FCER1A: variants seen among roughly 807,000 people sequenced by gnomAD.
The protein encoded by FCER1A is Fc epsilon receptor Ia, also known as high affinity immunoglobulin epsilon receptor subunit alpha.
In FCER1A, 24 loss-of-function variants were observed where a neutral mutation model predicts 23.6. The observed-to-expected ratio is 1.02, with a 90% CI of 0.74 to 1.43. The LOEUF (loss-of-function observed/expected upper bound fraction) is 1.43, where lower values mean the gene tolerates loss of function less well. FCER1A is among the 40% of genes most tolerant of loss of function. The probability of loss-of-function intolerance (pLI) is 0.00; values close to 1 mark genes in which losing one functional copy is unlikely to be tolerated. For missense variants in FCER1A, 318 were observed against 294.5 expected, an observed-to-expected ratio of 1.08 and a Z score of -0.58; for synonymous variants, 121 against 108.8, an observed-to-expected ratio of 1.11 and a Z score of -0.70.
upstream of FCER1A, among the ~76,000 whole-genome samples, chr1:159,301,714 A>G (rs996097677): frequency 4.0e-4 from 61 of 152,218 alleles, no homozygotes; most frequent in Admixed American, 1.9e-3. Context: ...GGTGAATCCC[A>G]AAAGAATTTG....
At position 159,304,161 on chromosome 1, in the gene FCER1A, G is replaced by A; in HGVS notation, c.310G>A (p.Val104Met). 4 of 1,614,012 alleles carry A rather than the reference G, an allele frequency of 2.5e-6. No individual in the cohort carries two copies. The highest frequency in any genetic ancestry group is 3.4e-6 in the Non-Finnish European group (4 of 1,179,878). Residue 104 changes from valine to methionine, a missense_variant, in exon 3 of 5, where the codon GTG becomes ATG. Coordinates refer to ENST00000693622, the MANE Select transcript of FCER1A (RefSeq NM_001387280.1). Reference sequence around the variant, plus strand: ...CCAACAAGTTAATGAGAGTGAACCTGTGTACCTGGAAGTCTTCAGTGGTAA... The same window carrying A: ...CCAACAAGTTAATGAGAGTGAACCTATGTACCTGGAAGTCTTCAGTGGTAA... Reference protein sequence around the residue: ...QHQQVNESEPVYLEVFSDWLL... With the variant: ...QHQQVNESEPMYLEVFSDWLL...
chr1:159,284,254 T>C, the FCER1A span, among the ~76,000 whole-genome samples: 24 of 152,250 alleles, frequency 1.6e-4, no homozygotes, highest in South Asian at 4.4e-3. Flanking sequence ...TACTTTTCCA[T>C]TTAGGGAGAT....
chr1:159,291,104 T>C (rs1652140262), intron 1 of FCER1A, among the ~76,000 whole-genome samples: 1 of 152,178 alleles, frequency 6.6e-6, no homozygotes, highest in Admixed American at 6.6e-5. Flanking sequence ...AAGGAACAGC[T>C]AACACAAATC....
At chr1:159,303,681 G>T (rs1238342668) in intron 2 of FCER1A, among the ~76,000 whole-genome samples, 2 of 152,138 alleles carry the variant, frequency 1.3e-5, no homozygotes, top group Non-Finnish European at 2.9e-5. Flanking sequence ...ATAGTGAATT[G>T]GTTTCTTTGT....
chr1:159,302,717 CCTGATT>C, intron 1 of FCER1A, 131 bp from the exon 2 acceptor site: 1 of 825,402 alleles, frequency 1.2e-6, no homozygotes, highest in Non-Finnish European at 2.1e-6. Context: ...TCTTTCTTCC[CCTGATT>C]CTGATTCCTG....
chr1:159,302,542 C>A, intron 1 of FCER1A, 123 bp downstream of exon 1: 1 of 793,924 alleles, frequency 1.3e-6, no homozygotes, highest in Non-Finnish European at 2.2e-6. Flanking sequence ...TTGGGCATTT[C>A]CCAGGGACTC....
chr1:159,289,953 G>A (rs762683474), intron 1 of FCER1A, among the ~76,000 whole-genome samples: 1 of 152,132 alleles, frequency 6.6e-6, no homozygotes, highest in Non-Finnish European at 1.5e-5. Flanking sequence ...CTCATAAGTG[G>A]AGGTCAGATT....
chr1:159,290,622 C>G (rs1421497841), intron 1 of FCER1A, among the ~76,000 whole-genome samples: 1 of 152,134 alleles, frequency 6.6e-6, no homozygotes. Context: ...CTGGCTTTGC[C>G]ATTCACTAGT....
chr1:159,306,480 T>C (rs1652620646), intron 4 of FCER1A, among the ~76,000 whole-genome samples: 1 of 152,190 alleles, frequency 6.6e-6, no homozygotes, highest in African/African-American at 2.4e-5. Flanking sequence ...TTATGAAGAT[T>C]AATGTGGTAA....
At chr1:159,287,696 T>C (rs896584500), upstream of FCER1A, among the ~76,000 whole-genome samples, 2 of 148,118 alleles carry the variant, frequency 1.4e-5, no homozygotes, top group East Asian at 1.9e-4. Flanking sequence ...TCATATATTG[T>C]ATATTATATA....
At chr1:159,307,143 T>C (rs1012772579) in intron 4 of FCER1A, among the ~76,000 whole-genome samples, 7 of 152,198 alleles carry the variant, frequency 4.6e-5, no homozygotes, top group African/African-American at 7.2e-5. Context: ...GTATTTTTCA[T>C]AGGTCTTTCA....
At chr1:159,288,720 T>A (rs944856797), upstream of FCER1A, among the ~76,000 whole-genome samples, 1 of 152,184 alleles carries the variant, frequency 6.6e-6, no homozygotes, top group African/African-American at 2.4e-5. Context: ...GTTCAATAAT[T>A]TGTTCACTTT....
upstream of FCER1A, among the ~76,000 whole-genome samples, chr1:159,289,411 G>C (rs752997787): frequency 6.6e-6 from 1 of 152,164 alleles, no homozygotes; most frequent in Non-Finnish European, 1.5e-5. Flanking sequence ...GGCCTGCAGA[G>C]GACCTTAGCA....
At chr1:159,297,910 A>G (rs1295056021), upstream of FCER1A, among the ~76,000 whole-genome samples, 2 of 152,152 alleles carry the variant, frequency 1.3e-5, no homozygotes, top group Admixed American at 6.6e-5. Flanking sequence ...AAACTTTTTT[A>G]TACTACAACT....
At chr1:159,293,252 A>C (rs1652204502) in intron 1 of FCER1A, among the ~76,000 whole-genome samples, 1 of 151,210 alleles carries the variant, frequency 6.6e-6, no homozygotes, top group South Asian at 2.1e-4. Context: ...TTAGCTTTCA[A>C]ATAAAATCCC....
intron 4 of FCER1A, among the ~76,000 whole-genome samples, 167 bp from the exon 5 acceptor site, chr1:159,307,581 C>T (rs1246581094): frequency 6.6e-6 from 1 of 152,196 alleles, no homozygotes; most frequent in Non-Finnish European, 1.5e-5. Context: ...CAGAGCAACT[C>T]AACCTAGTGT....
intron 1 of FCER1A, among the ~76,000 whole-genome samples, chr1:159,296,730 G>A (rs1319209142): frequency 6.6e-6 from 1 of 152,146 alleles, no homozygotes; most frequent in East Asian, 1.9e-4. Context: ...GCCTGCTAAT[G>A]CTACAAATGT....
upstream of FCER1A, among the ~76,000 whole-genome samples, chr1:159,301,114 A>G (rs866941552): frequency 6.6e-6 from 1 of 152,200 alleles, no homozygotes; most frequent in Non-Finnish European, 1.5e-5. Context: ...CATTCAATAG[A>G]CTTAATTCAG....
upstream of FCER1A, among the ~76,000 whole-genome samples, chr1:159,286,941 C>A (rs144158597): frequency 6.4e-4 from 98 of 152,210 alleles, no homozygotes; most frequent in African/African-American, 2.3e-3. Context: ...GCAGTACCTG[C>A]AAACTGAAGC....
Sources: allele counts gnomAD v4.1 joint callset (sites outside exome capture counted in the v4.1 genomes callset), GRCh38; gene constraint gnomAD v4.1.1; transcripts MANE v1.5; gene names NCBI Gene and HGNC (gene_info 2026-07-23, HGNC 2026-07-21).